Variants in EGFR observed in about 807,000 individuals in gnomAD.
EGFR encodes the protein epidermal growth factor receptor.
In EGFR, 58 loss-of-function variants were observed where a neutral mutation model predicts 143.0. The observed-to-expected ratio is 0.41, with a 90% confidence interval of 0.33 to 0.50. EGFR has a LOEUF of 0.50. Ranked by LOEUF, EGFR falls within the 20% of genes least tolerant of loss-of-function variation. The pLI, the probability that EGFR is intolerant of heterozygous loss-of-function variation, is 0.39. For synonymous variants in EGFR, 613 were observed against 594.4 expected (o/e 1.03, Z -0.45); for missense variants, 1,307 against 1,579.0 (o/e 0.83, Z 2.92).
intron 1 of EGFR, among the ~76,000 whole-genome samples, chr7:55,031,831 C>G (rs555488568): frequency 6.6e-6 from 1 of 152,168 alleles, no homozygotes; most frequent in South Asian, 2.1e-4. Context: ...TGTTTTTATT[C>G]GCATTTTGGA....
Position 55,205,814 on chromosome 7 carries a change from C to G in EGFR, c.*197C>G. On this transcript the variant is annotated 3_prime_UTR_variant, in exon 28 of 28. Transcript: ENST00000275493. ...TTGGGAAGTTGCATTCCTTTGTCTT[C>G]AAACTGTGAAGCATTTACAGAAACG... 1.4e-6 allele frequency: 1 copy of G among 718,588 alleles called. No individual in the cohort carries two copies. The highest frequency in any genetic ancestry group is 1.8e-5 in the South Asian group (1 of 54,794). The allele number at this position is 718,588 out of a possible 1,614,324, so 44.5% of individuals were successfully genotyped here. A position where few individuals can be genotyped will look rare whatever the true frequency, so the allele number is the denominator to read the frequency against.
At chr7:55,053,814 C>T (rs1788630329) in intron 1 of EGFR, among the ~76,000 whole-genome samples, 1 of 152,214 alleles carries the variant, frequency 6.6e-6, no homozygotes, top group Non-Finnish European at 1.5e-5. Context: ...CCCAGCCATT[C>T]CTTTCAGTGA....
intron 4 of EGFR, among the ~76,000 whole-genome samples, chr7:55,149,840 C>T (rs909052234): frequency 6.6e-6 from 1 of 152,096 alleles, no homozygotes; most frequent in Admixed American, 6.5e-5. Context: ...TATTGATAAT[C>T]ATGTTAGATA....
chr7:55,171,362 G>T (rs569708202), intron 16 of EGFR, 149 bp downstream of exon 16: 7 of 1,146,232 alleles, frequency 6.1e-6, no homozygotes, highest in Non-Finnish European at 8.9e-6. Flanking sequence ...CAGGGTTTCT[G>T]CAGAGACTGC....
At chr7:55,194,879 T>C (rs1787554262) in intron 22 of EGFR, among the ~76,000 whole-genome samples, 1 of 152,246 alleles carries the variant, frequency 6.6e-6, no homozygotes, top group Admixed American at 6.5e-5. Context: ...TGAGCCTGAA[T>C]TTTTTGTTTA....
chr7:55,052,895 T>G (rs1390950238), intron 1 of EGFR, among the ~76,000 whole-genome samples: 3 of 152,108 alleles, frequency 2.0e-5, no homozygotes, highest in African/African-American at 4.8e-5. Flanking sequence ...CATCTTGACT[T>G]CTTTTTCCTG....
chr7:55,037,574 T>A (rs908634827), intron 1 of EGFR, among the ~76,000 whole-genome samples: 56 of 152,348 alleles, frequency 3.7e-4, no homozygotes, highest in African/African-American at 1.3e-3. Flanking sequence ...CTCAGTGAGC[T>A]CTTCATGGAG....
chr7:55,029,235 TTAAA>T (rs957812811), intron 1 of EGFR, among the ~76,000 whole-genome samples: 2 of 152,238 alleles, frequency 1.3e-5, no homozygotes, highest in African/African-American at 4.8e-5. Flanking sequence ...TGAGAGGCTT[TTAAA>T]TAGAGTGCAC....
intron 1 of EGFR, among the ~76,000 whole-genome samples, chr7:55,097,264 G>T (rs1370389701): frequency 5.3e-5 from 8 of 152,280 alleles, no homozygotes; most frequent in African/African-American, 1.9e-4. Flanking sequence ...CAGAATCCCA[G>T]CCTCCTCTAT....
intron 1 of EGFR, among the ~76,000 whole-genome samples, chr7:55,061,541 G>A (rs982764020): frequency 6.6e-6 from 1 of 151,340 alleles, no homozygotes; most frequent in African/African-American, 2.4e-5. Context: ...CTGATTAAAC[G>A]AGCATTTTAT....
intron 4 of EGFR, among the ~76,000 whole-genome samples, 190 bp downstream of exon 4, chr7:55,146,930 G>T (rs1184897867): frequency 6.6e-6 from 1 of 152,124 alleles, no homozygotes; most frequent in Non-Finnish European, 1.5e-5. Flanking sequence ...TTTGTGGCGG[G>T]TGGCAGCCCA....
intron 6 of EGFR, among the ~76,000 whole-genome samples, chr7:55,153,636 T>C (rs1224945822): frequency 5.3e-5 from 8 of 152,210 alleles, no homozygotes; most frequent in Admixed American, 5.2e-4. Context: ...TTATAAAATA[T>C]ACCCTCAATT....
At chr7:55,034,212 A>C (rs1169197162) in intron 1 of EGFR, among the ~76,000 whole-genome samples, 1 of 152,016 alleles carries the variant, frequency 6.6e-6, no homozygotes, top group East Asian at 1.9e-4. Context: ...CCCCCTCTGC[A>C]TTATTGTTTT....
rs373680498 is a variant in EGFR, at chr7:55,207,334, C to T, written c.*1717C>T. The stretch of plus-strand genomic sequence containing the variant: ...GAAAATAAAACTATATTCATTTCCA[C>T]TCTATTATGCTCTCAAATACCCCTA... On this transcript the variant is annotated 3_prime_UTR_variant, in exon 28 of 28. Coordinates refer to ENST00000275493, the MANE Select transcript of EGFR (RefSeq NM_005228.5). 8.7e-6 allele frequency: 2 copies of T among 230,166 alleles called. No individual in the cohort carries two copies. The highest frequency in any genetic ancestry group is 2.2e-5 in the African/African-American group (1 of 45,176). 14.3% of individuals were successfully genotyped at this position (230,166 alleles called of 1,614,324 possible). A position where few individuals can be genotyped will look rare whatever the true frequency, so the allele number is the denominator to read the frequency against.
At chr7:55,135,560 A>G (rs1170246399) in intron 1 of EGFR, among the ~76,000 whole-genome samples, 1 of 152,304 alleles carries the variant, frequency 6.6e-6, no homozygotes, top group African/African-American at 2.4e-5. Context: ...TTGCTTTGTG[A>G]ATAAAAGTTG....
intron 22 of EGFR, 57 bp from the exon 23 acceptor site, chr7:55,198,660 G>T (rs2128968520): frequency 6.2e-7 from 1 of 1,610,094 alleles, no homozygotes; most frequent in East Asian, 2.2e-5. Flanking sequence ...TAAAGCAAGG[G>T]ATTGTGATTG....
intron 17 of EGFR, among the ~76,000 whole-genome samples, chr7:55,173,426 G>T (rs1489629190): frequency 6.6e-6 from 1 of 152,212 alleles, no homozygotes; most frequent in Non-Finnish European, 1.5e-5. Context: ...TTGATCCCAT[G>T]CTGGCACTGT....
rs17336247 is a variant in EGFR, at chr7:55,122,423, T to C, written c.89-19863T>C. On this transcript the variant is annotated intron_variant, in intron 1 of 27. Coordinates refer to ENST00000275493, the MANE Select transcript of EGFR (RefSeq NM_005228.5). The stretch of plus-strand genomic sequence containing the variant: ...GTCCTCAATGGGCTGCTGGTGGCAG[T>C]GGGGGGAACCGCACAGCCACGCTGT... Among the ~76,000 whole-genome samples, 1,215 of 152,290 alleles carry C rather than the reference T, an allele frequency of 8.0e-3. 18 individuals are homozygous for C. Among genetic ancestry groups the C allele is most frequent in the African/African-American group, 0.028 (1,144 of 41,556 alleles).
chr7:55,146,385 T>A (rs551624577), intron 3 of EGFR, among the ~76,000 whole-genome samples: 1 of 152,292 alleles, frequency 6.6e-6, no homozygotes, highest in East Asian at 1.9e-4. Context: ...TTCTAATCAT[T>A]GCTCAAAGCC....
Sources: allele counts gnomAD v4.1 joint callset (sites outside exome capture counted in the v4.1 genomes callset), GRCh38; gene constraint gnomAD v4.1.1; transcripts MANE v1.5; gene names NCBI Gene and HGNC (gene_info 2026-07-23, HGNC 2026-07-21).